Variants in LMBRD1 observed in about 807,000 individuals in gnomAD.
LMBRD1 encodes lysosomal cobalamin transport escort protein LMBD1.
In LMBRD1, 64 loss-of-function variants were observed where a neutral mutation model predicts 74.8. The observed-to-expected ratio is 0.86, with a 90% CI of 0.70 to 1.05. LMBRD1 has a LOEUF of 1.05. Ranked by LOEUF, LMBRD1 falls within the 50% of genes least tolerant of loss-of-function variation. The pLI is 0.00. For missense variants in LMBRD1, 652 were observed against 645.9 expected (o/e 1.01, Z -0.10); for synonymous variants, 204 against 216.3 (o/e 0.94, Z 0.50).
In LMBRD1 at chr6:69,741,890, A is replaced by C; in HGVS notation, c.474-13T>G. ...TGGAACAAAGGCACTACAAAAGAGAAAATAATTGTTTTAATAGCTTTAAAG... is the reference window on the plus strand; with the variant it reads ...TGGAACAAAGGCACTACAAAAGAGACAATAATTGTTTTAATAGCTTTAAAG... On this transcript the variant is annotated splice_polypyrimidine_tract_variant and intron_variant, in intron 5 of 15. Coordinates refer to ENST00000649934, the MANE Select transcript of LMBRD1 (RefSeq NM_018368.4). 6.9e-7 allele frequency: 1 copy of C among 1,456,684 alleles called. No individual in the cohort carries two copies. The highest frequency in any genetic ancestry group is 9.6e-7 in the Non-Finnish European group (1 of 1,038,960). The allele number at this position is 1,456,684 out of a possible 1,614,324, so 90.2% of individuals were successfully genotyped here.
chr6:69,790,434 G>C lies in LMBRD1; in HGVS notation c.108C>G (p.Tyr36Ter). 6.2e-7 allele frequency: 1 copy of C among 1,614,004 alleles called. No homozygotes were observed. Among genetic ancestry groups the C allele is most frequent in the Non-Finnish European group, 8.5e-7 (1 of 1,179,946 alleles). Residue 36 changes from tyrosine (Y) to a stop codon, truncating the protein, a stop_gained, in exon 2 of 16, where the codon TAC becomes TAG. Coordinates refer to ENST00000649934, the MANE Select transcript of LMBRD1 (RefSeq NM_018368.4). LOFTEE classifies it high-confidence loss of function. The part of the protein sequence containing the change: ...LAFCWIYVRK[Y>*]QSRRESEVVS... The stretch of plus-strand genomic sequence containing the variant: ...CAACTTCACTTTCCCGCCGACTTTG[G>C]TATTTACGAACATATATCCAGCAGA...
chr6:69,698,950 A>G, intron 13 of LMBRD1, 93 bp downstream of exon 13: 1 of 829,390 alleles, frequency 1.2e-6, no homozygotes. Context: ...TGATGAGCTA[A>G]TATCTTATGC....
At chr6:69,792,264 G>C (rs1766104127) in intron 1 of LMBRD1, among the ~76,000 whole-genome samples, 1 of 152,310 alleles carries the variant, frequency 6.6e-6, no homozygotes, top group African/African-American at 2.4e-5. Flanking sequence ...TCATGACAGT[G>C]TCAAGAGCCT....
At chr6:69,700,329 C>T (rs989392631) in intron 12 of LMBRD1, among the ~76,000 whole-genome samples, 1 of 151,734 alleles carries the variant, frequency 6.6e-6, no homozygotes, top group Non-Finnish European at 1.5e-5. Flanking sequence ...ATAGGGAGGG[C>T]TATCTTTTGA....
intron 6 of LMBRD1, among the ~76,000 whole-genome samples, chr6:69,740,782 G>T (rs1027270986): frequency 3.3e-5 from 5 of 152,094 alleles, no homozygotes; most frequent in African/African-American, 9.7e-5. Context: ...AGTACACTAG[G>T]TATCTTTGAA....
chr6:69,685,555 C>T (rs897017254), intron 14 of LMBRD1, among the ~76,000 whole-genome samples: 1 of 152,160 alleles, frequency 6.6e-6, no homozygotes, highest in Non-Finnish European at 1.5e-5. Context: ...AACCCCAGCA[C>T]TTTGGGAGGC....
chr6:69,768,874 G>T (rs1765522882), intron 3 of LMBRD1, among the ~76,000 whole-genome samples: 1 of 151,246 alleles, frequency 6.6e-6, no homozygotes, highest in Non-Finnish European at 1.5e-5. Context: ...TCATTTTAGT[G>T]CCCTCTGGTG....
chr6:69,778,047 T>TA (rs1251154642), intron 3 of LMBRD1, among the ~76,000 whole-genome samples: 1 of 152,248 alleles, frequency 6.6e-6, no homozygotes, highest in Non-Finnish European at 1.5e-5. Context: ...GCCAAAGGCC[T>TA]ATTAGCCATA....
At chr6:69,792,258 GAC>G (rs1471729035) in intron 1 of LMBRD1, among the ~76,000 whole-genome samples, 2 of 152,130 alleles carry the variant, frequency 1.3e-5, no homozygotes, top group Non-Finnish European at 2.9e-5. Flanking sequence ...GTCTTCTCAT[GAC>G]AGTGTCAAGA....
intron 5 of LMBRD1, 51 bp from the exon 6 acceptor site, chr6:69,741,928 A>G (rs749085608): frequency 2.8e-6 from 3 of 1,054,444 alleles, no homozygotes; most frequent in Admixed American, 1.8e-5. Context: ...AAAAAGTTAA[A>G]TTAAATGGTT....
intron 3 of LMBRD1, among the ~76,000 whole-genome samples, chr6:69,761,417 G>A (rs1290593541): frequency 2.0e-5 from 3 of 152,084 alleles, no homozygotes; most frequent in Non-Finnish European, 2.9e-5. Flanking sequence ...ACATTCCAAT[G>A]TATAAGCCTT....
chr6:69,754,938 T>C (rs562720691), intron 3 of LMBRD1, among the ~76,000 whole-genome samples: 1 of 152,308 alleles, frequency 6.6e-6, no homozygotes, highest in South Asian at 2.1e-4. Flanking sequence ...CAACAAATGC[T>C]GGAGAGGATG....
intron 1 of LMBRD1, among the ~76,000 whole-genome samples, chr6:69,795,451 GTATTTTGT>G (rs962354048): frequency 6.6e-6 from 1 of 152,186 alleles, no homozygotes; most frequent in African/African-American, 2.4e-5. Flanking sequence ...CTTTAAAGCC[GTATTTTGT>G]TTGGTTTACA....
At chr6:69,741,350 A>G (rs1767096207) in intron 6 of LMBRD1, among the ~76,000 whole-genome samples, 1 of 152,126 alleles carries the variant, frequency 6.6e-6, no homozygotes, top group Admixed American at 6.6e-5. Flanking sequence ...TAGGTTCAAA[A>G]TGACGAGTTA....
In LMBRD1 at chr6:69,675,847, AAAGGGAATATTAATTCTGG is replaced by A. The variant is rs549723018; in HGVS notation, c.*292_*310del. On this transcript the variant is annotated 3_prime_UTR_variant, in exon 16 of 16. Coordinates refer to ENST00000649934, the MANE Select transcript of LMBRD1 (RefSeq NM_018368.4). ...TTTATTATGTTTTCAAAAAGTGACA[AAAGGGAATATTAATTCTGG>A]AAGATTTTTAATCAATTTAACACTA... is the stretch of plus-strand genomic sequence containing the variant. 1.3e-3 allele frequency: 406 copies of A among 303,934 alleles called. 1 individual carries two copies. Among genetic ancestry groups the A allele is most frequent in the Middle Eastern group, 5.4e-3 (5 of 918 alleles). 18.8% of individuals were successfully genotyped at this position (303,934 alleles called of 1,614,324 possible). A position where few individuals can be genotyped will look rare whatever the true frequency, so the allele number is the denominator to read the frequency against.
intron 1 of LMBRD1, among the ~76,000 whole-genome samples, chr6:69,792,806 A>G (rs1480543331): frequency 6.6e-6 from 1 of 152,176 alleles, no homozygotes; most frequent in Non-Finnish European, 1.5e-5. Flanking sequence ...ATGAAAGAAA[A>G]CCTGCATTTT....
chr6:69,688,788 CAG>C (rs1441010520), intron 14 of LMBRD1, among the ~76,000 whole-genome samples: 1 of 151,988 alleles, frequency 6.6e-6, no homozygotes, highest in Admixed American at 6.5e-5. Context: ...CTGAGGCACA[CAG>C]ACTTTCAGAT....
chr6:69,699,671 C>T (rs2149843784), intron 12 of LMBRD1, among the ~76,000 whole-genome samples: 1 of 151,808 alleles, frequency 6.6e-6, no homozygotes, highest in South Asian at 2.1e-4. Context: ...TTTATCTATA[C>T]TAAAGGGAAA....
chr6:69,790,419 T>G lies in LMBRD1; in HGVS notation c.123A>C (p.Glu41Asp). The change falls in exon 2 of 16, where the codon GAA becomes GAC. Residue 41 changes from glutamate (E) to aspartate (D), a missense_variant. Around this residue, in one of 3 missense-constraint regions of LMBRD1, gnomAD observed 598 missense variants for 581.8 expected, o/e 1.03. Transcript: ENST00000649934. ...CTGTTATGGTGGAGACAACTTCACTTTCCCGCCGACTTTGGTATTTACGAA... is the reference window on the plus strand; with the variant it reads ...CTGTTATGGTGGAGACAACTTCACTGTCCCGCCGACTTTGGTATTTACGAA... Reference protein sequence around the residue: ...IYVRKYQSRRESEVVSTITAI... With the variant: ...IYVRKYQSRRDSEVVSTITAI... 1 of 1,614,076 alleles carries G rather than the reference T, an allele frequency of 6.2e-7. No homozygotes were observed. The highest frequency in any genetic ancestry group is 8.5e-7 in the Non-Finnish European group (1 of 1,179,966).
Sources: gnomAD v4.1 joint callset for allele counts (sites outside exome capture counted in the v4.1 genomes callset) on GRCh38, gnomAD v4.1.1 for gene constraint, gnomAD v4.1.1 regional missense constraint, MANE v1.5 for transcripts, NCBI Gene and HGNC (gene_info 2026-07-23, HGNC 2026-07-21) for gene names.